The following ZNF746 variants were observed in gnomAD, a reference collection of about 807,000 sequenced individuals.
ZNF746 encodes the protein parkin-interacting substrate.
In ZNF746, 13 loss-of-function variants were observed where a neutral mutation model predicts 41.0. That is an observed-to-expected ratio of 0.32 (90% CI 0.21 to 0.50). The LOEUF (loss-of-function observed/expected upper bound fraction) is 0.50, where lower values mean the gene tolerates loss of function less well. Ranked by LOEUF, ZNF746 falls within the 20% of genes least tolerant of loss-of-function variation. ZNF746 has a pLI of 0.98. For synonymous variants in ZNF746, 424 were observed against 396.2 expected, an observed-to-expected ratio of 1.07 and a Z score of -0.83; for missense variants, 811 against 922.9, an observed-to-expected ratio of 0.88 and a Z score of 1.57.
rs1229422457 is a variant in ZNF746 at position 149,497,169 on chromosome 7, G to A, written c.24+344C>T. On this transcript the variant is annotated intron_variant, in intron 1 of 6. Transcript: ENST00000458143. The surrounding 1 kb of genome is among the most constrained non-coding windows in gnomAD (Gnocchi z 4.2). ...AGATGGAGAGGGACCTACAGGCCGA[G>A]CGCCAGGCAGAGAAAGGAGCCGCGG... 3 of 985,258 alleles carry A rather than the reference G, an allele frequency of 3.0e-6. No homozygotes were observed. The African/African-American group carries it at 5.2e-5, about 17-fold the overall frequency. 61.0% of individuals were successfully genotyped at this position (985,258 alleles called of 1,614,324 possible). A position where few individuals can be genotyped will look rare whatever the true frequency, so the allele number is the denominator to read the frequency against.
At chr7:149,478,620 A>T (rs561027934) in intron 4 of ZNF746, among the ~76,000 whole-genome samples, 35 of 152,314 alleles carry the variant, frequency 2.3e-4, no homozygotes, top group African/African-American at 7.9e-4. Flanking sequence ...CCTAAGGGAA[A>T]ACTAAAACCA....
In ZNF746 at chr7:149,477,053, G is replaced by A; in HGVS notation, c.758-6C>T. The A allele has an allele frequency of 6.2e-7, 1 of 1,611,690 alleles. No individual in the cohort carries two copies. Among genetic ancestry groups the A allele is most frequent in the Middle Eastern group, 1.7e-4 (1 of 6,054 alleles). On this transcript the variant is annotated splice_region_variant and splice_polypyrimidine_tract_variant and intron_variant, in intron 5 of 6. Coordinates refer to ENST00000458143, the MANE Select transcript of ZNF746 (RefSeq NM_001394198.1). The stretch of plus-strand genomic sequence containing the variant: ...GGAAAAGTTGGAATGGACACCTGCG[G>A]TAAGGGGAGAGCAGAGCCGGTGGGT...
chr7:149,492,963 A>G lies in ZNF746; in HGVS notation c.461T>C (p.Ile154Thr). The change falls in exon 4 of 7, where the codon ATC (isoleucine) becomes ACC (threonine). Residue 154 changes from isoleucine (I) to threonine (T), a missense_variant. This residue lies in a region of ZNF746 where 147 missense variants were observed against 233.4 expected (regional missense o/e 0.63). Transcript: ENST00000458143. ...YETLVSLDYA[I>T]SKPEVLSQIE... is the part of the protein sequence containing the mutation. ...CTGGGAGAGGACCTCGGGCTTGGAGATGGCGTAGTCTGAGGAAAGACAGAA... is the reference window on the plus strand; with the variant it reads ...CTGGGAGAGGACCTCGGGCTTGGAGGTGGCGTAGTCTGAGGAAAGACAGAA... 6.2e-7 allele frequency: 1 copy of G among 1,613,378 alleles called. No homozygotes were observed. Among genetic ancestry groups the G allele is most frequent in the Non-Finnish European group, 8.5e-7 (1 of 1,179,376 alleles).
rs369697215 is a variant in ZNF746 at position 149,474,365 on chromosome 7, G to C, written c.*19C>G. Reference sequence around the variant, plus strand: ...CTTTTTACACGTGCGGCCGGCAGGGGCTATGGGGCTGGAGGCGCTCACATG... The same window carrying C: ...CTTTTTACACGTGCGGCCGGCAGGGCCTATGGGGCTGGAGGCGCTCACATG... On this transcript the variant is annotated 3_prime_UTR_variant, in exon 7 of 7. Coordinates refer to ENST00000458143, the MANE Select transcript of ZNF746 (RefSeq NM_001394198.1). This position sits in a 1 kb window ranked among gnomAD's most constrained non-coding sequence, Gnocchi z 6.3. The C allele has an allele frequency of 6.3e-7, 1 of 1,592,464 alleles. No individual in the cohort carries two copies. The highest frequency in any genetic ancestry group is 1.7e-5 in the Admixed American group (1 of 57,260).
chr7:149,477,950 G>A (rs1193313057), intron 4 of ZNF746, 195 bp from the exon 5 acceptor site: 21 of 477,572 alleles, frequency 4.4e-5, no homozygotes, highest in African/African-American at 7.8e-5. Flanking sequence ...TTGGGAATGC[G>A]GGTAGGGTAG....
chr7:149,474,832 C>A lies in ZNF746; in HGVS notation c.1535G>T (p.Gly512Val). The change falls in exon 7 of 7, where the codon GGT (glycine) becomes GTT (valine). Residue 512 changes from glycine to valine, a missense_variant. Around this residue, in one of 4 missense-constraint regions of ZNF746, gnomAD observed 495 missense variants for 481.6 expected, o/e 1.03. Transcript: ENST00000458143. The surrounding 1 kb of genome is among the most constrained non-coding windows in gnomAD (Gnocchi z 6.3). ...GGGGSGSGGG[G>V]GGSGGGSARD... is the part of the protein sequence containing the mutation. ...TGCGCTGCCCCCACCGCTGCCGCCACCGCCGCCGCCACTGCCGCTGCCGCC... is the reference window on the plus strand; with the variant it reads ...TGCGCTGCCCCCACCGCTGCCGCCAACGCCGCCGCCACTGCCGCTGCCGCC... 2 of 1,409,082 alleles carry A rather than the reference C, an allele frequency of 1.4e-6. No individual in the cohort carries two copies. Among genetic ancestry groups the A allele is most frequent in the Non-Finnish European group, 9.2e-7 (1 of 1,087,464 alleles). 87.3% of individuals were successfully genotyped at this position (1,409,082 alleles called of 1,614,324 possible). A position where few individuals can be genotyped will look rare whatever the true frequency, so the allele number is the denominator to read the frequency against.
At position 149,492,953 on chromosome 7, in the gene ZNF746, G is replaced by A. The variant is rs751295671; in HGVS notation, c.471C>T (p.Pro157=). The stretch of plus-strand genomic sequence containing the variant: ...CTTGTTCAATCTGGGAGAGGACCTC[G>A]GGCTTGGAGATGGCGTAGTCTGAGG... ...LVSLDYAISK[P]EVLSQIEQGK... The change falls in exon 4 of 7, where the codon CCC becomes CCT. Residue 157 remains proline, a synonymous_variant. Coordinates refer to ENST00000458143, the MANE Select transcript of ZNF746 (RefSeq NM_001394198.1). 4.3e-6 allele frequency: 7 copies of A among 1,613,778 alleles called. No individual in the cohort carries two copies. The highest frequency in any genetic ancestry group is 3.3e-5 in the South Asian group (3 of 91,066).
chr7:149,493,781 G>A (rs1424370488), intron 3 of ZNF746, among the ~76,000 whole-genome samples: 1 of 152,192 alleles, frequency 6.6e-6, no homozygotes, highest in East Asian at 1.9e-4. Context: ...GCCGTTCCCA[G>A]ACTGGCATTC....
intron 4 of ZNF746, chr7:149,491,294 T>A (rs538067384): frequency 2.6e-5 from 4 of 153,142 alleles, no homozygotes; most frequent in African/African-American, 9.7e-5. Flanking sequence ...AGCTAGAGAG[T>A]GTTACAGGGT....
intron 4 of ZNF746, among the ~76,000 whole-genome samples, chr7:149,485,618 TAAAGG>T (rs1195956415): frequency 1.3e-5 from 2 of 152,096 alleles, no homozygotes; most frequent in African/African-American, 2.4e-5. Context: ...GGACAAACCA[TAAAGG>T]AAAGACTAGT....
rs201079607 is a variant in ZNF746, at chr7:149,475,533, G to A, written c.884-50C>T. On this transcript the variant is annotated intron_variant, in intron 6 of 6. Transcript: ENST00000458143. ...CTGACCTGTCCCTTAACTGCTGAGC[G>A]AGCCACGATCTGCCACCATCACCTG... 35 of 1,551,548 alleles carry A rather than the reference G, an allele frequency of 2.3e-5. No homozygotes were observed. In the African/African-American group the frequency reaches 3.7e-4, roughly 16 times the overall value.
In ZNF746 at chr7:149,475,417, G is replaced by C. The variant is rs757081297; in HGVS notation, c.950C>G (p.Pro317Arg). 1.2e-6 allele frequency: 2 copies of C among 1,614,072 alleles called. No homozygotes were observed. The highest frequency in any genetic ancestry group is 1.3e-5 in the African/African-American group (1 of 74,934). Residue 317 changes from proline (P) to arginine (R), a missense_variant, in exon 7 of 7, where the codon CCT becomes CGT. Pro to Arg is a moderately radical substitution (Grantham distance 103, BLOSUM62 -2). Transcript: ENST00000458143. ...EEEVVATPVH[P>R]TDLEAHGTLF... ...GGTCCCGTGAGCCTCTAGGTCAGTA[G>C]GATGTACGGGTGTGGCCACCACCTC...
chr7:149,496,466 A>T (rs1562995237), intron 1 of ZNF746, among the ~76,000 whole-genome samples: 2 of 152,174 alleles, frequency 1.3e-5, no homozygotes, highest in Non-Finnish European at 2.9e-5. Context: ...CCGCAGGATG[A>T]AGTCCAGGCA....
At chr7:149,477,150 G>C in intron 5 of ZNF746, 103 bp from the exon 6 acceptor site, 1 of 1,418,676 alleles carries the variant, frequency 7.0e-7, no homozygotes, top group East Asian at 2.5e-5. Context: ...CCCCCCACTG[G>C]GGGCTTTTCT....
chr7:149,475,291 A>T lies in ZNF746; in HGVS notation c.1076T>A (p.Leu359Gln). 4 of 1,613,558 alleles carry T rather than the reference A, an allele frequency of 2.5e-6. No individual in the cohort carries two copies. Among genetic ancestry groups the T allele is most frequent in the Non-Finnish European group, 3.4e-6 (4 of 1,179,808 alleles). Residue 359 changes from leucine (L) to glutamine (Q), a missense_variant, in exon 7 of 7, where the codon CTG becomes CAG. Leu to Gln is a moderately radical substitution (Grantham distance 113). Coordinates refer to ENST00000458143, the MANE Select transcript of ZNF746 (RefSeq NM_001394198.1). ...GSSFPSQDPV[L>Q]GLREPARPER... ...AGGCCGGGCGGGCTCTCGCAGCCCC[A>T]GCACAGGGTCCTGGCTGGGGAAGGA...
intron 6 of ZNF746, among the ~76,000 whole-genome samples, chr7:149,476,315 A>C (rs1800301112): frequency 3.2e-5 from 1 of 30,956 alleles, no homozygotes; most frequent in South Asian, 1.2e-3. Context: ...CTCCGCCTCA[A>C]AAAAAAAAAA....
In ZNF746 at chr7:149,475,192, C is replaced by T; in HGVS notation, c.1175G>A (p.Gly392Glu). Residue 392 changes from glycine (G) to glutamate (E), a missense_variant, in exon 7 of 7, where the codon GGG (glycine) becomes GAG (glutamate). By Grantham distance (98) the Gly-to-Glu change is moderately conservative (BLOSUM62 -2). Transcript: ENST00000458143. ...CCGGAAATTCCAGCCCCACCGGACCCCTCCGAAGAGCCAGTCCCCAGGAGG... is the reference window on the plus strand; with the variant it reads ...CCGGAAATTCCAGCCCCACCGGACCTCTCCGAAGAGCCAGTCCCCAGGAGG... ...ETPPGDWLFGGVRWGWNFRCK... is the reference protein window; with the variant it reads ...ETPPGDWLFGEVRWGWNFRCK... The T allele has an allele frequency of 6.2e-7, 1 of 1,612,826 alleles. No homozygotes were observed. Among genetic ancestry groups the T allele is most frequent in the Non-Finnish European group, 8.5e-7 (1 of 1,179,818 alleles).
chr7:149,489,057 TATA>T (rs1800711967), intron 4 of ZNF746: 1 of 152,174 alleles, frequency 6.6e-6, no homozygotes, highest in Admixed American at 6.5e-5. Context: ...GAGTGATAAA[TATA>T]ATGACATCTA....
At chr7:149,496,130 C>T (rs1232851674) in intron 1 of ZNF746, among the ~76,000 whole-genome samples, 1 of 152,232 alleles carries the variant, frequency 6.6e-6, no homozygotes, top group Non-Finnish European at 1.5e-5. Flanking sequence ...TCCTACCCAT[C>T]CTCCACGTGC....
Sources: allele counts gnomAD v4.1 joint callset (sites outside exome capture counted in the v4.1 genomes callset), GRCh38; gene constraint gnomAD v4.1.1; regional missense constraint gnomAD v4.1.1; non-coding constraint Gnocchi (gnomAD v3.1); transcripts MANE v1.5; gene names NCBI Gene and HGNC (gene_info 2026-07-23, HGNC 2026-07-21).